The following SLC5A8 variants were observed in gnomAD, a reference collection of about 807,000 sequenced individuals.
The protein encoded by SLC5A8 is solute carrier family 5 member 8.
In SLC5A8, 55 loss-of-function variants were observed where a neutral mutation model predicts 71.9. That is an observed-to-expected ratio of 0.77 (90% CI 0.62 to 0.96). The LOEUF is 0.96. Among genes scored for constraint, SLC5A8 ranks in the 40% least tolerant of loss-of-function variants. The pLI is 0.00. For missense variants in SLC5A8, 701 were observed against 745.3 expected (o/e 0.94, Z 0.69); for synonymous variants, 307 against 276.1 (o/e 1.11, Z -1.11).
chr12:101,194,654 T>C (rs1027581770), intron 4 of SLC5A8, among the ~76,000 whole-genome samples: 2 of 152,074 alleles, frequency 1.3e-5, no homozygotes, highest in Admixed American at 6.6e-5. Flanking sequence ...TTTTTTGTTT[T>C]TTTGTAGAGA....
chr12:101,184,299 C>A, intron 7 of SLC5A8, 77 bp from the exon 8 acceptor site: 1 of 1,220,914 alleles, frequency 8.2e-7, no homozygotes, highest in Non-Finnish European at 1.2e-6. Flanking sequence ...TATCATTTGT[C>A]TTGTCTCCTT....
At chr12:101,167,604 A>G (rs1185430356) in intron 11 of SLC5A8, among the ~76,000 whole-genome samples, 1 of 152,296 alleles carries the variant, frequency 6.6e-6, no homozygotes, top group East Asian at 1.9e-4. Flanking sequence ...AATATTCCCA[A>G]TTATGATCAC....
intron 10 of SLC5A8, among the ~76,000 whole-genome samples, chr12:101,175,325 A>G (rs1043252395): frequency 6.6e-6 from 1 of 152,136 alleles, no homozygotes; most frequent in Non-Finnish European, 1.5e-5. Context: ...TAGAACTATA[A>G]CAAAAATATT....
At chr12:101,175,868 G>T (rs2051875361) in intron 10 of SLC5A8, among the ~76,000 whole-genome samples, 1 of 151,954 alleles carries the variant, frequency 6.6e-6, no homozygotes, top group Non-Finnish European at 1.5e-5. Flanking sequence ...ATGGCTAAAA[G>T]AAGTTTTCTA....
rs2051659489 is a variant in SLC5A8 at position 101,156,163 on chromosome 12, T to G, written c.*1116A>C. ...CAGACGTTTTAAAAAAAGTAGTGTT[T>G]GCTTATATAATTTAGCCCTTTAACT... On this transcript the variant is annotated 3_prime_UTR_variant, in exon 15 of 15. Coordinates refer to ENST00000536262, the MANE Select transcript of SLC5A8 (RefSeq NM_145913.5). 1 of 152,170 alleles carries G rather than the reference T, an allele frequency of 6.6e-6. No individual in the cohort carries two copies. Among genetic ancestry groups the G allele is most frequent in the African/African-American group, 2.4e-5 (1 of 41,454 alleles). 9.4% of individuals were successfully genotyped at this position (152,170 alleles called of 1,614,324 possible). A position where few individuals can be genotyped will look rare whatever the true frequency, so the allele number is the denominator to read the frequency against.
chr12:101,207,783 C>T (rs1310888721), intron 1 of SLC5A8, among the ~76,000 whole-genome samples: 3 of 152,122 alleles, frequency 2.0e-5, no homozygotes, highest in African/African-American at 7.2e-5. Context: ...GAATATTCCT[C>T]CCACCCACTA....
intron 3 of SLC5A8, among the ~76,000 whole-genome samples, chr12:101,195,843 C>T (rs572597725): frequency 6.6e-6 from 1 of 151,726 alleles, no homozygotes; most frequent in Admixed American, 6.6e-5. Flanking sequence ...ACTACAGGCA[C>T]GCAGCACCAT....
chr12:101,158,170 G>A (rs2051684893), intron 14 of SLC5A8, 79 bp downstream of exon 14: 1 of 981,464 alleles, frequency 1.0e-6, no homozygotes, highest in Non-Finnish European at 1.6e-6. Flanking sequence ...TTTCAAGAAA[G>A]AGGTTGAGAA....
chr12:101,195,086 T>C lies in SLC5A8; in HGVS notation c.537+9A>G. ...GTAGAGTGAAAAGGGAAATATGTCC[T>C]GGACGTACCAGTGTGCAGTAGAATG... On this transcript the variant is annotated intron_variant, in intron 4 of 14. Coordinates refer to ENST00000536262, the MANE Select transcript of SLC5A8 (RefSeq NM_145913.5). The C allele has an allele frequency of 6.2e-7, 1 of 1,614,010 alleles. No individual in the cohort carries two copies. The highest frequency in any genetic ancestry group is 1.1e-5 in the South Asian group (1 of 91,020).
At chr12:101,194,959 A>T in intron 4 of SLC5A8, 136 bp downstream of exon 4, 1 of 751,592 alleles carries the variant, frequency 1.3e-6, no homozygotes, top group Non-Finnish European at 2.2e-6. Flanking sequence ...TTCTCACACA[A>T]AAAAAGTTAC....
At chr12:101,182,009 G>A (rs1868389857) in intron 9 of SLC5A8, among the ~76,000 whole-genome samples, 1 of 152,208 alleles carries the variant, frequency 6.6e-6, no homozygotes, top group African/African-American at 2.4e-5. Flanking sequence ...TGTTAGTCAT[G>A]CATTTCAAGG....
chr12:101,166,450 C>T (rs200328017), intron 12 of SLC5A8, 44 bp downstream of exon 12: 36 of 1,530,750 alleles, frequency 2.4e-5, no homozygotes, highest in African/African-American at 8.3e-5. Context: ...CTACTTGTTG[C>T]GTAAATTTTT....
chr12:101,178,038 T>G (rs1159666028), intron 10 of SLC5A8, among the ~76,000 whole-genome samples: 1 of 152,138 alleles, frequency 6.6e-6, no homozygotes, highest in Non-Finnish European at 1.5e-5. Flanking sequence ...TTATCAGAAC[T>G]AATAAGTGAG....
chr12:101,188,028 A>G (rs540159891), intron 6 of SLC5A8, among the ~76,000 whole-genome samples: 1 of 152,316 alleles, frequency 6.6e-6, no homozygotes, highest in South Asian at 2.1e-4. Flanking sequence ...TTCTCAAACA[A>G]TATTCAGCAC....
intron 11 of SLC5A8, among the ~76,000 whole-genome samples, chr12:101,167,025 A>T (rs1373483806): frequency 1.3e-5 from 2 of 152,174 alleles, no homozygotes; most frequent in African/African-American, 4.8e-5. Context: ...CAGGAAGAAT[A>T]GTATGTTATT....
chr12:101,177,063 T>C (rs1566312084), intron 10 of SLC5A8, among the ~76,000 whole-genome samples: 1 of 151,976 alleles, frequency 6.6e-6, no homozygotes, highest in African/African-American at 2.4e-5. Context: ...TTACCAATAT[T>C]AGGAATGGAA....
chr12:101,207,973 C>T (rs1488955529), intron 1 of SLC5A8, among the ~76,000 whole-genome samples: 1 of 152,000 alleles, frequency 6.6e-6, no homozygotes, highest in Non-Finnish European at 1.5e-5. Flanking sequence ...AGAGTGAGAG[C>T]AATAGCTATA....
chr12:101,203,701 A>G (rs1418768827), intron 2 of SLC5A8, among the ~76,000 whole-genome samples: 2 of 152,202 alleles, frequency 1.3e-5, no homozygotes, highest in Non-Finnish European at 2.9e-5. Context: ...AAGAATGCAA[A>G]TCTCTTCCAC....
chr12:101,168,983 A>C (rs1244378391), intron 10 of SLC5A8, among the ~76,000 whole-genome samples: 1 of 152,184 alleles, frequency 6.6e-6, no homozygotes, highest in Non-Finnish European at 1.5e-5. Context: ...TATTAGAGGA[A>C]ATAGTGCTTC....
Sources: allele counts gnomAD v4.1 joint callset (sites outside exome capture counted in the v4.1 genomes callset), GRCh38; gene constraint gnomAD v4.1.1; transcripts MANE v1.5; gene names NCBI Gene and HGNC (gene_info 2026-07-23, HGNC 2026-07-21).